Variants in TSNARE1 observed in about 807,000 individuals in gnomAD.
The protein encoded by TSNARE1 is t-SNARE domain-containing protein 1.
Under a neutral mutation model 62.0 loss-of-function variants are expected in TSNARE1, and 49 were observed. That is an observed-to-expected ratio of 0.79 (90% CI 0.63 to 1.00). The LOEUF is 1.00. Ranked by LOEUF, TSNARE1 falls within the 50% of genes least tolerant of loss-of-function variation. The probability of loss-of-function intolerance (pLI) is 0.00; values close to 1 mark genes in which losing one functional copy is unlikely to be tolerated. For synonymous variants in TSNARE1, 328 were observed against 294.4 expected, an observed-to-expected ratio of 1.11 and a Z score of -1.17; for missense variants, 755 against 700.1, an observed-to-expected ratio of 1.08 and a Z score of -0.88.
chr8:142,276,739 G>T, intron 11 of TSNARE1: 1 of 985,360 alleles, frequency 1.0e-6, no homozygotes, highest in Non-Finnish European at 1.2e-6. Flanking sequence ...CGTAGTGTGT[G>T]ACCTGGAGGC....
intron 1 of TSNARE1, among the ~76,000 whole-genome samples, chr8:142,363,669 G>T (rs13253773): frequency 6.6e-6 from 1 of 151,998 alleles, no homozygotes; most frequent in Non-Finnish European, 1.5e-5. Context: ...GTCCCCACAG[G>T]AGCCTTCAAG....
intron 4 of TSNARE1, among the ~76,000 whole-genome samples, chr8:142,338,032 C>T (rs1832012717): frequency 6.6e-6 from 1 of 152,230 alleles, no homozygotes; most frequent in Admixed American, 6.5e-5. Context: ...AAATTCATTT[C>T]CCAGATTCCA....
intron 11 of TSNARE1, chr8:142,278,486 G>A: frequency 1.0e-6 from 1 of 985,480 alleles, no homozygotes; most frequent in Non-Finnish European, 1.2e-6. Context: ...GGGTCCAGCG[G>A]GGCTCTGCTT....
At chr8:142,276,987 G>A in intron 11 of TSNARE1, 2 of 985,474 alleles carry the variant, frequency 2.0e-6, no homozygotes, top group Non-Finnish European at 2.4e-6. Flanking sequence ...GGGGAGGGGG[G>A]CTGCTCCCGG....
chr8:142,318,744 G>C (rs774077707), intron 6 of TSNARE1, 110 bp from the exon 7 acceptor site: 14 of 922,020 alleles, frequency 1.5e-5, no homozygotes, highest in Non-Finnish European at 2.2e-5. Context: ...GGGGGAGACA[G>C]AGACAGATGG....
At chr8:142,276,397 C>T (rs1413314415) in intron 11 of TSNARE1, 3 of 985,356 alleles carry the variant, frequency 3.0e-6, no homozygotes, top group South Asian at 4.7e-5. Flanking sequence ...CAGGAGGGAC[C>T]AGCCTGCCAG....
chr8:142,380,733 C>T (rs1455555198), intron 1 of TSNARE1, among the ~76,000 whole-genome samples: 1 of 152,188 alleles, frequency 6.6e-6, no homozygotes, highest in Non-Finnish European at 1.5e-5. Context: ...AAAAAGACTG[C>T]AAGGAGAAAA....
At chr8:142,272,934 G>A in intron 12 of TSNARE1, 2 of 985,450 alleles carry the variant, frequency 2.0e-6, no homozygotes, top group East Asian at 1.1e-4. Flanking sequence ...TCTATGCAGA[G>A]GCAACTTCAC....
At chr8:142,305,828 C>A (rs887148302) in intron 9 of TSNARE1, among the ~76,000 whole-genome samples, 3 of 152,228 alleles carry the variant, frequency 2.0e-5, no homozygotes, top group Non-Finnish European at 4.4e-5. Context: ...CCCCACAGGG[C>A]TCAGGGCCTG....
intron 11 of TSNARE1, chr8:142,276,043 T>TG: frequency 1.0e-6 from 1 of 985,352 alleles, no homozygotes; most frequent in African/African-American, 1.7e-5. Flanking sequence ...CTTGAACCCT[T>TG]GGTCACCAGC....
At chr8:142,343,755 G>C (rs916851752) in intron 4 of TSNARE1, among the ~76,000 whole-genome samples, 4 of 45,764 alleles carry the variant, frequency 8.7e-5, no homozygotes, top group Middle Eastern at 8.8e-3. Context: ...ATGGGGAGTG[G>C]GGGGAGGAGG....
At chr8:142,321,256 T>C (rs888737151) in intron 6 of TSNARE1, among the ~76,000 whole-genome samples, 7 of 152,184 alleles carry the variant, frequency 4.6e-5, no homozygotes, top group African/African-American at 1.7e-4. Context: ...CTTACAGCCA[T>C]GGTACCAGGC....
chr8:142,301,966 G>A (rs536861596), intron 9 of TSNARE1, among the ~76,000 whole-genome samples: 8 of 152,212 alleles, frequency 5.3e-5, no homozygotes, highest in Non-Finnish European at 8.8e-5. Context: ...AGGCGACAGC[G>A]GTGGGGATGG....
chr8:142,297,517 G>A (rs1261513385), intron 10 of TSNARE1, among the ~76,000 whole-genome samples: 1 of 152,200 alleles, frequency 6.6e-6, no homozygotes, highest in African/African-American at 2.4e-5. Context: ...ACAAAATCTT[G>A]CAAATCCCAA....
At chr8:142,341,006 G>A (rs577880534) in intron 4 of TSNARE1, among the ~76,000 whole-genome samples, 1 of 152,240 alleles carries the variant, frequency 6.6e-6, no homozygotes, top group Non-Finnish European at 1.5e-5. Context: ...CAAAGACGAG[G>A]TATGCAATTA....
intron 11 of TSNARE1, chr8:142,275,875 G>T (rs1820397102): frequency 1.0e-6 from 1 of 985,282 alleles, no homozygotes; most frequent in Non-Finnish European, 1.2e-6. Flanking sequence ...TCTGAGGGAG[G>T]AGGGTCCTCA....
chr8:142,325,467 G>A (rs1272177430), intron 6 of TSNARE1, among the ~76,000 whole-genome samples: 1 of 152,208 alleles, frequency 6.6e-6, no homozygotes, highest in East Asian at 1.9e-4. Context: ...GAGCCCAGGG[G>A]CCAAGGCCGG....
intron 9 of TSNARE1, among the ~76,000 whole-genome samples, chr8:142,313,462 T>C (rs140855038): frequency 6.6e-6 from 1 of 152,306 alleles, no homozygotes; most frequent in East Asian, 1.9e-4. Flanking sequence ...TCTGCATGTG[T>C]CTGCATGTCT....
At chr8:142,228,609 T>C (rs1275843737) in intron 13 of TSNARE1, among the ~76,000 whole-genome samples, 2 of 152,250 alleles carry the variant, frequency 1.3e-5, no homozygotes, top group African/African-American at 4.8e-5. Context: ...TGGAGGTCAG[T>C]GCCTAGGAAA....
Sources: gnomAD v4.1 joint callset for allele counts (sites outside exome capture counted in the v4.1 genomes callset) on GRCh38, gnomAD v4.1.1 for gene constraint, MANE v1.5 for transcripts, NCBI Gene and HGNC (gene_info 2026-07-23, HGNC 2026-07-21) for gene names.